Variants in MDM1 observed in about 807,000 individuals in gnomAD.
The protein encoded by MDM1 is stabilizer of axonemal microtubules 6.
A neutral mutation model predicts 89.1 loss-of-function variants in MDM1; 61 were observed. That is an observed-to-expected ratio of 0.68 (90% CI 0.56 to 0.85). MDM1 has a LOEUF of 0.85. MDM1 is among the 40% of genes least tolerant of loss of function. The pLI is 0.00. For missense variants in MDM1, 820 were observed against 846.5 expected (o/e 0.97, Z 0.39); for synonymous variants, 290 against 294.1 (o/e 0.99, Z 0.14).
In MDM1 at chr12:68,321,372, T is replaced by C. The variant is rs1449625747; in HGVS notation, c.980A>G (p.His327Arg). Residue 327 changes from histidine (H) to arginine (R), a missense_variant, in exon 7 of 15, where the codon CAT becomes CGT. Physicochemically the swap from His to Arg is conservative, Grantham distance 29. Transcript: ENST00000682720. ...QYLYKAGAWT[H>R]VKGNMPNQGS... ...CTGATTTGGCATGTTTCCCTTTACA[T>C]GTGTCCAAGCCCCAGCTTTATATAA... The C allele has an allele frequency of 4.3e-6, 7 of 1,613,752 alleles. No individual in the cohort carries two copies. The South Asian group carries it at 5.5e-5, about 13-fold the overall frequency.
In MDM1 at chr12:68,313,669, A is replaced by C; in HGVS notation, c.1614T>G (p.His538Gln). Residue 538 changes from histidine (H) to glutamine (Q), a missense_variant, in exon 11 of 15, where the codon CAT becomes CAG. Physicochemically the swap from His to Gln is conservative, Grantham distance 24. Coordinates refer to ENST00000682720, the MANE Select transcript of MDM1 (RefSeq NM_001354969.2). Reference sequence around the variant, plus strand: ...CAACAGCTGGAGTAGTGAGATCATGATGAGTCCTCTGGATTCCACCAAGTT... The same window carrying C: ...CAACAGCTGGAGTAGTGAGATCATGCTGAGTCCTCTGGATTCCACCAAGTT... ...LRELGGIQRTHHDLTTPAVGG... is the reference protein window; with the variant it reads ...LRELGGIQRTQHDLTTPAVGG... 6.2e-7 allele frequency: 1 copy of C among 1,614,174 alleles called. No homozygotes were observed. The highest frequency in any genetic ancestry group is 8.5e-7 in the Non-Finnish European group (1 of 1,180,006).
intron 5 of MDM1, 134 bp downstream of exon 5, chr12:68,322,939 T>C (rs1875427556): frequency 1.1e-5 from 9 of 788,870 alleles, no homozygotes; most frequent in African/African-American, 1.8e-5. Context: ...GCTGGCTCAA[T>C]GAACATTTGA....
At chr12:68,327,138 C>CTATATG (rs1876119540) in intron 2 of MDM1, 117 bp from the exon 3 acceptor site, 3 of 1,410,724 alleles carry the variant, frequency 2.1e-6, no homozygotes, top group African/African-American at 2.9e-5. Flanking sequence ...ATATATGTAC[C>CTATATG]TATATATACA....
chr12:68,307,671 T>C (rs1226876786), intron 12 of MDM1, among the ~76,000 whole-genome samples: 2 of 149,774 alleles, frequency 1.3e-5, no homozygotes, highest in Non-Finnish European at 3.0e-5. Flanking sequence ...GATGTGGTGG[T>C]TGTAACCTGT....
rs767654964 is a variant in MDM1, at chr12:68,315,234, A to G, written c.1243T>C (p.Cys415Arg). ...TTTTCTTCTGGTTCTGTAGAAGGAC[A>G]TTTCTGCAAAGTCTTATGGCTTGTA... ...DPTSHKTLQK[C>R]PSTEPEEKGN... is the part of the protein sequence containing the mutation. Residue 415 changes from cysteine to arginine, a missense_variant, in exon 10 of 15, where the codon TGT becomes CGT. By Grantham distance (180) the Cys-to-Arg change is radical. Coordinates refer to ENST00000682720, the MANE Select transcript of MDM1 (RefSeq NM_001354969.2). 1 of 1,614,076 alleles carries G rather than the reference A, an allele frequency of 6.2e-7. No individual in the cohort carries two copies. Among genetic ancestry groups the G allele is most frequent in the South Asian group, 1.1e-5 (1 of 91,080 alleles).
intron 1 of MDM1, chr12:68,331,977 C>T (rs1159582664): frequency 1.4e-6 from 1 of 696,890 alleles, no homozygotes; most frequent in Non-Finnish European, 2.6e-6. Flanking sequence ...CTCTTGAGTC[C>T]CCCTAAGTAA....
At chr12:68,312,883 C>T (rs957133856) in intron 12 of MDM1, among the ~76,000 whole-genome samples, 1 of 152,150 alleles carries the variant, frequency 6.6e-6, no homozygotes, top group Non-Finnish European at 1.5e-5. Flanking sequence ...GTCACCTAGA[C>T]CTTCCCAGAT....
intron 2 of MDM1, chr12:68,330,711 A>G (rs1876667434): frequency 6.2e-6 from 1 of 161,542 alleles, no homozygotes; most frequent in Non-Finnish European, 1.3e-5. Flanking sequence ...GATCCTGTTA[A>G]GAATTCCTTA....
In MDM1 at chr12:68,321,327, T is replaced by C. The variant is rs556448479; in HGVS notation, c.1005+20A>G. ...GAGGCTGAAAGAACATGTAGGCTTA[T>C]TGAGGTCATGTACACTCACCTGATT... On this transcript the variant is annotated intron_variant, in intron 7 of 14. Coordinates refer to ENST00000682720, the MANE Select transcript of MDM1 (RefSeq NM_001354969.2). 39 of 1,587,262 alleles carry C rather than the reference T, an allele frequency of 2.5e-5. No individual in the cohort carries two copies. The highest frequency in any genetic ancestry group is 1.7e-4 in the Middle Eastern group (1 of 5,978).
intron 5 of MDM1, 142 bp downstream of exon 5, chr12:68,322,931 T>C (rs1875426230): frequency 1.4e-6 from 1 of 723,312 alleles, no homozygotes; most frequent in Non-Finnish European, 2.2e-6. Flanking sequence ...TCCTAGTAGC[T>C]GGCTCAATGA....
chr12:68,294,667 G>A lies in MDM1; in HGVS notation c.*587C>T, dbSNP rs553099309. 7 of 152,234 alleles carry A rather than the reference G, an allele frequency of 4.6e-5. No homozygotes were observed. The East Asian group carries it at 1.2e-3, about 25-fold the overall frequency. 9.4% of individuals were successfully genotyped at this position (152,234 alleles called of 1,614,324 possible). On this transcript the variant is annotated 3_prime_UTR_variant, in exon 15 of 15. Coordinates refer to ENST00000682720, the MANE Select transcript of MDM1 (RefSeq NM_001354969.2). ...AGACATTATTCAAATGTAAGCCAAA[G>A]TCCTTACACAAATAGAATACACTCA...
In MDM1 at chr12:68,319,673, T is replaced by C. The variant is rs1259730627; in HGVS notation, c.1005+1674A>G. ...CTGACTTCTTAGCTAAAAATTCTTATTCTTTTCCAACTTCAATTTACTTTT... is the reference window on the plus strand; with the variant it reads ...CTGACTTCTTAGCTAAAAATTCTTACTCTTTTCCAACTTCAATTTACTTTT... On this transcript the variant is annotated intron_variant, in intron 7 of 14. Coordinates refer to ENST00000682720, the MANE Select transcript of MDM1 (RefSeq NM_001354969.2). Among the ~76,000 whole-genome samples, 4 of 152,220 alleles carry C rather than the reference T, an allele frequency of 2.6e-5. No individual in the cohort carries two copies. The East Asian group carries it at 5.8e-4, about 22-fold the overall frequency.
At chr12:68,299,821 A>C (rs751332574) in intron 13 of MDM1, among the ~76,000 whole-genome samples, 21 of 152,226 alleles carry the variant, frequency 1.4e-4, no homozygotes, top group Non-Finnish European at 2.9e-4. Flanking sequence ...ATCCAAATAC[A>C]AGAAGCTCAA....
intron 12 of MDM1, among the ~76,000 whole-genome samples, chr12:68,312,544 C>A (rs760093207): frequency 2.0e-5 from 3 of 152,154 alleles, no homozygotes; most frequent in Non-Finnish European, 4.4e-5. Context: ...GTAAGTGACT[C>A]CCAACTGTTT....
chr12:68,326,986 T>C lies in MDM1; in HGVS notation c.169A>G (p.Arg57Gly), dbSNP rs1261191511. 1 of 1,603,088 alleles carries C rather than the reference T, an allele frequency of 6.2e-7. No homozygotes were observed. The highest frequency in any genetic ancestry group is 8.5e-7 in the Non-Finnish European group (1 of 1,176,488). Residue 57 changes from arginine (R) to glycine (G), a missense_variant, in exon 3 of 15, where the codon AGA (arginine) becomes GGA (glycine). Coordinates refer to ENST00000682720, the MANE Select transcript of MDM1 (RefSeq NM_001354969.2). ...ATCTGTGGGTCATGGTAAGGGACTC[T>C]TCTTTTTGAAATAAAACTTGGCTCT... ...TKEPSFISKR[R>G]VPYHDPQISK...
chr12:68,323,053 G>C lies in MDM1; in HGVS notation c.801+20C>G, dbSNP rs1291869198. On this transcript the variant is annotated intron_variant, in intron 5 of 14. Coordinates refer to ENST00000682720, the MANE Select transcript of MDM1 (RefSeq NM_001354969.2). ...AAATAACGGGGATTTTGTTTTGTAA[G>C]GTTAAAAGTTGATGAATACCTTCCT... is the stretch of plus-strand genomic sequence containing the variant. 6.3e-7 allele frequency: 1 copy of C among 1,581,498 alleles called. No homozygotes were observed. The highest frequency in any genetic ancestry group is 8.6e-7 in the Non-Finnish European group (1 of 1,169,178).
In MDM1 at chr12:68,296,944, G is replaced by C. The variant is rs1433574054; in HGVS notation, c.2041C>G (p.His681Asp). ...ATACCTTCATCATTAAAGGCTTCAT[G>C]TTGAGGTAACTGCAAATTGTTCATC... ...ARMNNLQLPQ[H>D]EAFNDEDEDR... The change falls in exon 14 of 15, where the codon CAT (histidine) becomes GAT (aspartate). Residue 681 changes from histidine to aspartate, a missense_variant. Physicochemically the swap from His to Asp is moderately conservative, Grantham distance 81. Transcript: ENST00000682720. The C allele has an allele frequency of 6.3e-7, 1 of 1,589,014 alleles. No individual in the cohort carries two copies. The highest frequency in any genetic ancestry group is 1.2e-5 in the South Asian group (1 of 85,146).
intron 12 of MDM1, among the ~76,000 whole-genome samples, chr12:68,311,026 C>T (rs1873603504): frequency 6.6e-6 from 1 of 152,182 alleles, no homozygotes; most frequent in South Asian, 2.1e-4. Context: ...GACCATCCAT[C>T]CACCGATCCT....
intron 7 of MDM1, among the ~76,000 whole-genome samples, chr12:68,317,554 T>C (rs554968874): frequency 2.6e-5 from 4 of 152,268 alleles, no homozygotes; most frequent in African/African-American, 7.2e-5. Context: ...CTATATGGCA[T>C]AAGAAACCAT....
Sources: allele counts gnomAD v4.1 joint callset (sites outside exome capture counted in the v4.1 genomes callset), GRCh38; gene constraint gnomAD v4.1.1; transcripts MANE v1.5; gene names NCBI Gene and HGNC (gene_info 2026-07-23, HGNC 2026-07-21).